Variants in RSRC1 observed in about 807,000 individuals in gnomAD.
The protein encoded by RSRC1 is serine/Arginine-related protein 53.
Under a neutral mutation model 49.1 loss-of-function variants are expected in RSRC1, and 39 were observed. That is an observed-to-expected ratio of 0.79 (90% CI 0.61 to 1.04). The LOEUF (loss-of-function observed/expected upper bound fraction) is 1.04. RSRC1 is among the 50% of genes least tolerant of loss of function. The pLI is 0.00. For synonymous variants in RSRC1, 143 were observed against 130.8 expected, an observed-to-expected ratio of 1.09 and a Z score of -0.63; for missense variants, 388 against 402.4, an observed-to-expected ratio of 0.96 and a Z score of 0.31.
At chr3:158,530,929 CTT>C (rs1712361882) in intron 7 of RSRC1, among the ~76,000 whole-genome samples, 1 of 116,828 alleles carries the variant, frequency 8.6e-6, no homozygotes, top group South Asian at 2.7e-4. Context: ...AAAAAAGAAA[CTT>C]AAAAAAAAAA....
At chr3:158,357,274 T>A (rs1218385858) in intron 6 of RSRC1, among the ~76,000 whole-genome samples, 1 of 152,194 alleles carries the variant, frequency 6.6e-6, no homozygotes, top group Non-Finnish European at 1.5e-5. Flanking sequence ...TATTAACATT[T>A]CAGGTTGGTC....
At chr3:158,183,780 G>T (rs1160994176) in intron 3 of RSRC1, among the ~76,000 whole-genome samples, 1 of 151,974 alleles carries the variant, frequency 6.6e-6, no homozygotes, top group Non-Finnish European at 1.5e-5. Context: ...GTTGGGCATG[G>T]TGGCATGCAC....
chr3:158,170,502 A>G (rs1037223751), intron 3 of RSRC1, among the ~76,000 whole-genome samples: 11 of 152,216 alleles, frequency 7.2e-5, no homozygotes, highest in African/African-American at 2.4e-4. Context: ...ACAACTAAAA[A>G]TGCTGGACCG....
At chr3:158,509,694 A>T (rs1029045686) in intron 7 of RSRC1, among the ~76,000 whole-genome samples, 7 of 152,206 alleles carry the variant, frequency 4.6e-5, no homozygotes, top group African/African-American at 1.7e-4. Flanking sequence ...AAAATAGTAT[A>T]TAAATTTTTA....
At chr3:158,381,582 T>A (rs756046196) in intron 6 of RSRC1, among the ~76,000 whole-genome samples, 10 of 152,202 alleles carry the variant, frequency 6.6e-5, no homozygotes, top group Non-Finnish European at 1.5e-4. Flanking sequence ...GCAAACATCA[T>A]AGAGTGTAGT....
chr3:158,507,135 C>G (rs1739896345), intron 7 of RSRC1, among the ~76,000 whole-genome samples: 1 of 151,852 alleles, frequency 6.6e-6, no homozygotes, highest in African/African-American at 2.4e-5. Context: ...TAAAATAAGC[C>G]AAACACAGAA....
intron 7 of RSRC1, among the ~76,000 whole-genome samples, chr3:158,498,732 G>C (rs1009282468): frequency 1.1e-4 from 16 of 152,244 alleles, no homozygotes; most frequent in African/African-American, 3.4e-4. Context: ...AATCCATCTT[G>C]AGTTGATTTT....
intron 1 of RSRC1, among the ~76,000 whole-genome samples, chr3:158,117,122 C>T (rs768575755): frequency 2.0e-5 from 3 of 152,140 alleles, no homozygotes; most frequent in Non-Finnish European, 4.4e-5. Context: ...GGCTAGTCTC[C>T]GTTGTTTTCT....
At chr3:158,438,575 T>A (rs989465449) in intron 6 of RSRC1, among the ~76,000 whole-genome samples, 1 of 152,172 alleles carries the variant, frequency 6.6e-6, no homozygotes, top group Non-Finnish European at 1.5e-5. Context: ...GGGAAAGGAT[T>A]CCCTATTTAA....
chr3:158,442,824 A>G lies in RSRC1; in HGVS notation c.584-18111A>G, dbSNP rs1353450189. The stretch of plus-strand genomic sequence containing the variant: ...GCCCTAGAAAATGTATTTCTTAAAC[A>G]GTAAGACTTGGAAGTCAATTTTTCT... On this transcript the variant is annotated intron_variant, in intron 6 of 9. Transcript: ENST00000611884. 2.6e-5 allele frequency among the ~76,000 whole-genome samples: 4 copies of G among 152,110 alleles called. 1 individual carries two copies. The highest frequency in any genetic ancestry group is 9.7e-5 in the African/African-American group (4 of 41,442).
chr3:158,358,445 G>A (rs1731276425), intron 6 of RSRC1, among the ~76,000 whole-genome samples: 1 of 151,982 alleles, frequency 6.6e-6, no homozygotes, highest in Non-Finnish European at 1.5e-5. Context: ...TATTACTTCT[G>A]TAGCGAGACA....
chr3:158,317,385 C>G (rs574581441), intron 5 of RSRC1, among the ~76,000 whole-genome samples: 1 of 151,750 alleles, frequency 6.6e-6, no homozygotes, highest in South Asian at 2.1e-4. Context: ...CATGTCACCA[C>G]GCCCAGCTAA....
At chr3:158,358,063 C>T (rs1476552860) in intron 6 of RSRC1, among the ~76,000 whole-genome samples, 6 of 151,886 alleles carry the variant, frequency 4.0e-5, no homozygotes, top group East Asian at 3.9e-4. Flanking sequence ...TATTTAGCCA[C>T]GATTTTTAGT....
intron 6 of RSRC1, among the ~76,000 whole-genome samples, chr3:158,396,482 G>T (rs1021497131): frequency 2.1e-4 from 31 of 150,066 alleles, no homozygotes; most frequent in African/African-American, 6.9e-4. Flanking sequence ...GTGATAATTT[G>T]TTCATAGTGA....
intron 3 of RSRC1, among the ~76,000 whole-genome samples, chr3:158,192,049 T>C (rs1409532665): frequency 6.6e-6 from 1 of 152,092 alleles, no homozygotes; most frequent in Non-Finnish European, 1.5e-5. Context: ...TCTTTGTTTT[T>C]GCATTTACTA....
chr3:158,147,845 T>C (rs954266441), intron 3 of RSRC1, among the ~76,000 whole-genome samples: 3 of 152,190 alleles, frequency 2.0e-5, no homozygotes, highest in African/African-American at 7.2e-5. Flanking sequence ...GTTTATGTAG[T>C]CTAGCAGTGC....
At chr3:158,505,486 A>G (rs1046461964) in intron 7 of RSRC1, among the ~76,000 whole-genome samples, 3 of 152,162 alleles carry the variant, frequency 2.0e-5, no homozygotes, top group Admixed American at 1.3e-4. Flanking sequence ...TCTGTATTAT[A>G]TCATCTAGTG....
chr3:158,419,685 C>T (rs747674987), intron 6 of RSRC1, among the ~76,000 whole-genome samples: 56 of 151,760 alleles, frequency 3.7e-4, no homozygotes, highest in Non-Finnish European at 7.5e-4. Context: ...ATTATGTGCC[C>T]TACTTTTGTG....
intron 6 of RSRC1, among the ~76,000 whole-genome samples, chr3:158,437,542 A>C (rs754584277): frequency 1.3e-5 from 2 of 152,156 alleles, no homozygotes; most frequent in Non-Finnish European, 2.9e-5. Context: ...CCATCACATA[A>C]ACAGAACCAG....
Sources: gnomAD v4.1 joint callset for allele counts (sites outside exome capture counted in the v4.1 genomes callset) on GRCh38, gnomAD v4.1.1 for gene constraint, MANE v1.5 for transcripts, NCBI Gene and HGNC (gene_info 2026-07-23, HGNC 2026-07-21) for gene names.